Variants in NLRP1 observed in about 807,000 individuals in gnomAD.
NLRP1 encodes the protein NACHT, LRR and PYD domains-containing protein 1.
A neutral mutation model predicts 136.7 loss-of-function variants in NLRP1; 94 were observed. The ratio of observed to expected loss-of-function variants is 0.69; its 90% CI spans 0.58 to 0.82. NLRP1 has a LOEUF of 0.82. NLRP1 is among the 40% of genes least tolerant of loss of function. The pLI is 0.00. For synonymous variants in NLRP1, 690 were observed against 725.1 expected (o/e 0.95, Z 0.78); for missense variants, 1,575 against 1,802.7 (o/e 0.87, Z 2.29).
intron 15 of NLRP1, among the ~76,000 whole-genome samples, chr17:5,517,362 C>CCGCCCCG (rs1555542066): frequency 3.2e-5 from 2 of 61,570 alleles, no homozygotes; most frequent in Admixed American, 3.7e-4. Context: ...CCCCCCCCCT[C>CCGCCCCG]CCACATACAC....
intron 4 of NLRP1, among the ~76,000 whole-genome samples, chr17:5,558,125 G>C (rs1429110271): frequency 6.6e-6 from 1 of 152,142 alleles, no homozygotes; most frequent in Non-Finnish European, 1.5e-5. Context: ...CTCTCCAGAA[G>C]CAAGCAGGGC....
chr17:5,509,659 G>A (rs57747583), downstream of NLRP1, among the ~76,000 whole-genome samples: 21,738 of 152,054 alleles, frequency 0.14, 2,644 homozygotes, highest in East Asian at 0.6. Flanking sequence ...GAGCCAGCAC[G>A]CCCAGCTCAT....
chr17:5,573,923 G>C (rs142994923), intron 3 of NLRP1, among the ~76,000 whole-genome samples: 2,395 of 152,320 alleles, frequency 0.016, 58 homozygotes, highest in African/African-American at 0.055. Context: ...AAGGAACATA[G>C]CTCCTCGCCA....
chr17:5,521,699 T>C lies in NLRP1; in HGVS notation c.3608A>G (p.His1203Arg), dbSNP rs774761887. ...LLEKPARVEL[H>R]HIVLENPSFS... Reference sequence around the variant, plus strand: ...GCTGGGGTTTTCCAGAACTATGTGATGCAGCTCCACCCTGGCTGGCTTCTC... The same window carrying C: ...GCTGGGGTTTTCCAGAACTATGTGACGCAGCTCCACCCTGGCTGGCTTCTC... The change falls in exon 13 of 17, where the codon CAT (histidine) becomes CGT (arginine). Residue 1203 changes from histidine to arginine, a missense_variant. By Grantham distance (29) the His-to-Arg change is conservative. Transcript: ENST00000572272. 6.2e-7 allele frequency: 1 copy of C among 1,613,658 alleles called. No individual in the cohort carries two copies. The highest frequency in any genetic ancestry group is 8.5e-7 in the Non-Finnish European group (1 of 1,180,026).
chr17:5,576,780 T>C (rs1293308507), intron 3 of NLRP1, among the ~76,000 whole-genome samples: 1 of 152,128 alleles, frequency 6.6e-6, no homozygotes, highest in Non-Finnish European at 1.5e-5. Flanking sequence ...ATCATCCTGA[T>C]ACCAAAGCCT....
downstream of NLRP1, chr17:5,512,237 A>G (rs1907687471): frequency 6.6e-7 from 1 of 1,511,660 alleles, no homozygotes. Flanking sequence ...CCATCAGCAT[A>G]GAGTCCTTTG....
chr17:5,570,548 T>C (rs1165398276), intron 3 of NLRP1, among the ~76,000 whole-genome samples: 2 of 151,866 alleles, frequency 1.3e-5, no homozygotes, highest in East Asian at 3.9e-4. Flanking sequence ...CAGGAAGAAA[T>C]TAAAACTCTG....
rs186462646 is a variant in NLRP1 at position 5,546,944 on chromosome 17, C to G, written c.2529-4917G>C. ...TTTCTTTCTTTTTATGGTGCTACCC[C>G]CAGTGAGCCAGAATTAATCAGGCCC... On this transcript the variant is annotated intron_variant, in intron 5 of 16. Coordinates refer to ENST00000572272, the MANE Select transcript of NLRP1 (RefSeq NM_033004.4). Among the ~76,000 whole-genome samples the G allele has an allele frequency of 1.2e-3, 190 of 152,192 alleles. 5 individuals are homozygous for G. The South Asian group carries it at 0.036, about 29-fold the overall frequency.
intron 6 of NLRP1, 63 bp from the exon 7 acceptor site, chr17:5,539,648 A>G: frequency 6.9e-7 from 1 of 1,459,732 alleles, no homozygotes; most frequent in Non-Finnish European, 9.0e-7. Flanking sequence ...CAGGGTAACT[A>G]GGGTCTGATC....
Position 5,582,783 on chromosome 17 carries a change from G to A in NLRP1, c.335C>T (p.Thr112Ile). The change falls in exon 2 of 17, where the codon ACC (threonine) becomes ATC (isoleucine). Residue 112 changes from threonine (T) to isoleucine (I), a missense_variant. Transcript: ENST00000572272. Reference sequence around the variant, plus strand: ...CCAGGGCATTAGCACTGCGGTGGAGGTGGGTTGGCTGGGAGACCCCAGGTG... The same window carrying A: ...CCAGGGCATTAGCACTGCGGTGGAGATGGGTTGGCTGGGAGACCCCAGGTG... ...EPHLGSPSQP[T>I]STAVLMPWIH... is the part of the protein sequence containing the mutation. 1 of 1,614,034 alleles carries A rather than the reference G, an allele frequency of 6.2e-7. No homozygotes were observed. Among genetic ancestry groups the A allele is most frequent in the East Asian group, 2.2e-5 (1 of 44,862 alleles).
At chr17:5,517,362 C>CCCCGG (rs78433357) in intron 15 of NLRP1, among the ~76,000 whole-genome samples, 2 of 61,570 alleles carry the variant, frequency 3.2e-5, no homozygotes, top group East Asian at 3.2e-4. Context: ...CCCCCCCCCT[C>CCCCGG]CCACATACAC....
In NLRP1 at chr17:5,558,856, G is replaced by C; in HGVS notation, c.1840C>G (p.Pro614Ala). ...ATGAAGCTGTAGCTCAGAGGGATGG[G>C]GTGCTCTTGAAGAATACCCATCTTC... ...FLKMGILQEH[P>A]IPLSYSFIHL... Residue 614 changes from proline (P) to alanine (A), a missense_variant, in exon 4 of 17, where the codon CCC becomes GCC. Pro to Ala is a conservative substitution (Grantham distance 27, BLOSUM62 -1). Coordinates refer to ENST00000572272, the MANE Select transcript of NLRP1 (RefSeq NM_033004.4). 6.2e-7 allele frequency: 1 copy of C among 1,614,162 alleles called. No homozygotes were observed. The highest frequency in any genetic ancestry group is 2.2e-5 in the East Asian group (1 of 44,884).
rs1006748102 is a variant in NLRP1 at position 5,559,576 on chromosome 17, G to A, written c.1120C>T (p.Gln374Ter). 6.2e-7 allele frequency: 1 copy of A among 1,614,190 alleles called. No homozygotes were observed. Among genetic ancestry groups the A allele is most frequent in the Non-Finnish European group, 8.5e-7 (1 of 1,180,036 alleles). Reference protein sequence around the residue: ...VFYFSCRELAQSKVVSLAELI... With the variant: ...VFYFSCRELA Reference sequence around the variant, plus strand: ...TCAGCGAGACTCACCACCTTGGACTGGGCCAGCTCTCTGCAGCTGAAGTAG... The same window carrying A: ...TCAGCGAGACTCACCACCTTGGACTAGGCCAGCTCTCTGCAGCTGAAGTAG... The change falls in exon 4 of 17, where the codon CAG becomes TAG. Residue 374 changes from glutamine (Q) to a stop codon, truncating the protein, a stop_gained. Coordinates refer to ENST00000572272, the MANE Select transcript of NLRP1 (RefSeq NM_033004.4). LOFTEE classifies it high-confidence loss of function.
In NLRP1 at chr17:5,515,006, T is replaced by A. The variant is rs754905195; in HGVS notation, c.4170A>T (p.Ile1390=). The change falls in exon 17 of 17, where the codon ATA becomes ATT. Residue 1390 remains isoleucine (I), a synonymous_variant. Transcript: ENST00000572272. ...HFVDQYREQL[I]ARVTSVEVVL... The stretch of plus-strand genomic sequence containing the variant: ...CAACCTCCACCGATGTCACTCGGGC[T>A]ATCAGCTGCTCTCGATACTGGTCCA... 8 of 1,614,224 alleles carry A rather than the reference T, an allele frequency of 5.0e-6. No homozygotes were observed. The highest frequency in any genetic ancestry group is 6.8e-6 in the Non-Finnish European group (8 of 1,180,034).
At chr17:5,545,463 CAGACACACACACAG>C (rs1912505777) in intron 5 of NLRP1, among the ~76,000 whole-genome samples, 1 of 151,078 alleles carries the variant, frequency 6.6e-6, no homozygotes, top group African/African-American at 2.4e-5. Context: ...GACACACATA[CAGACACACACACAG>C]ACACACACAC....
intron 3 of NLRP1, among the ~76,000 whole-genome samples, chr17:5,578,170 T>C (rs1483280534): frequency 6.6e-6 from 1 of 152,148 alleles, no homozygotes; most frequent in African/African-American, 2.4e-5. Context: ...GAAGAAAACC[T>C]AGGCAATACC....
rs1911810186 is a variant in NLRP1, at chr17:5,541,097, T to A, written c.2699+760A>T. 6.6e-6 allele frequency among the ~76,000 whole-genome samples: 1 copy of A among 152,022 alleles called. No homozygotes were observed. The highest frequency in any genetic ancestry group is 2.1e-4 in the South Asian group (1 of 4,822). On this transcript the variant is annotated intron_variant, in intron 6 of 16. Coordinates refer to ENST00000572272, the MANE Select transcript of NLRP1 (RefSeq NM_033004.4). This position sits in a 1 kb window ranked among gnomAD's most constrained non-coding sequence, Gnocchi z 4.2. ...TCTCGCTCTGTTGCCCAGGCTGGAG[T>A]GTAATGAGGTGATTTCAGCTCACTG...
chr17:5,518,026 G>T, intron 14 of NLRP1, 139 bp from the exon 15 acceptor site: 1 of 758,972 alleles, frequency 1.3e-6, no homozygotes, highest in Non-Finnish European at 2.1e-6. Context: ...ATCACCTTCA[G>T]ACATTGCTCT....
chr17:5,508,753 C>T (rs1467212978), intron 15 of NLRP1, among the ~76,000 whole-genome samples: 2 of 152,106 alleles, frequency 1.3e-5, no homozygotes, highest in Non-Finnish European at 2.9e-5. Context: ...GTCAAAAAAA[C>T]AAGGTTTAAA....
Sources: allele counts gnomAD v4.1 joint callset (sites outside exome capture counted in the v4.1 genomes callset), GRCh38; gene constraint gnomAD v4.1.1; non-coding constraint Gnocchi (gnomAD v3.1); transcripts MANE v1.5; gene names NCBI Gene and HGNC (gene_info 2026-07-23, HGNC 2026-07-21).